Variants in CSMD3 observed in about 807,000 individuals in gnomAD.
The protein encoded by CSMD3 is CUB and Sushi multiple domains 3.
In CSMD3, 177 loss-of-function variants were observed where a neutral mutation model predicts 435.2. The ratio of observed to expected loss-of-function variants is 0.41; its 90% CI spans 0.36 to 0.46. CSMD3 has a LOEUF of 0.46. Ranked by LOEUF, CSMD3 falls within the 20% of genes least tolerant of loss-of-function variation. CSMD3 has a pLI of 0.34. For synonymous variants in CSMD3, 1,656 were observed against 1,520.5 expected (o/e 1.09, Z -2.07); for missense variants, 4,265 against 4,504.6 (o/e 0.95, Z 1.52).
intron 1 of CSMD3, among the ~76,000 whole-genome samples, chr8:113,405,134 G>C (rs2094526976): frequency 1.3e-5 from 2 of 151,420 alleles, no homozygotes; most frequent in African/African-American, 4.8e-5. Context: ...TTTAATCCCA[G>C]TAACTTTGAA....
At chr8:112,440,490 C>T (rs1441858174) in intron 32 of CSMD3, among the ~76,000 whole-genome samples, 1 of 151,972 alleles carries the variant, frequency 6.6e-6, no homozygotes, top group African/African-American at 2.4e-5. Context: ...GCAGGATGGT[C>T]GTCTTCTCAC....
chr8:112,842,026 C>A lies in CSMD3; in HGVS notation c.1756-12237G>T, dbSNP rs547471473. Among the ~76,000 whole-genome samples the A allele has an allele frequency of 3.3e-5, 5 of 151,798 alleles. No individual in the cohort carries two copies. In the East Asian group the frequency reaches 9.7e-4, roughly 30 times the overall value. ...TCTCCTTCACATTGAATAGAGATTCCAGGAGACCAAAAAGCTGTAATACTA... is the reference window on the plus strand; with the variant it reads ...TCTCCTTCACATTGAATAGAGATTCAAGGAGACCAAAAAGCTGTAATACTA... On this transcript the variant is annotated intron_variant, in intron 11 of 70. Transcript: ENST00000297405.
At chr8:112,772,885 A>G (rs1439808893) in intron 13 of CSMD3, among the ~76,000 whole-genome samples, 2 of 151,988 alleles carry the variant, frequency 1.3e-5, no homozygotes, top group East Asian at 1.9e-4. Flanking sequence ...ATTTGTTCAC[A>G]TGTTTACCTG....
intron 5 of CSMD3, among the ~76,000 whole-genome samples, chr8:113,054,726 T>C (rs532480959): frequency 1.3e-5 from 2 of 152,294 alleles, no homozygotes; most frequent in African/African-American, 4.8e-5. Flanking sequence ...TTTAAAGTGA[T>C]ACTCCTGGAA....
intron 6 of CSMD3, among the ~76,000 whole-genome samples, chr8:112,990,671 C>T (rs1270470046): frequency 6.6e-6 from 1 of 151,736 alleles, no homozygotes; most frequent in Non-Finnish European, 1.5e-5. Flanking sequence ...AATTAAAGAC[C>T]ACTTAGTATG....
intron 12 of CSMD3, among the ~76,000 whole-genome samples, chr8:112,826,586 A>G (rs1468847501): frequency 6.6e-6 from 1 of 152,168 alleles, no homozygotes; most frequent in Non-Finnish European, 1.5e-5. Context: ...CCCCTGCCCC[A>G]TGTGGCTCTC....
chr8:113,170,882 T>G (rs2092255807), intron 4 of CSMD3, among the ~76,000 whole-genome samples: 1 of 151,942 alleles, frequency 6.6e-6, no homozygotes, highest in African/African-American at 2.4e-5. Context: ...GTGCCAATTT[T>G]GATAGATTTT....
intron 3 of CSMD3, among the ~76,000 whole-genome samples, chr8:113,210,878 C>CA (rs11287401): frequency 4.0e-3 from 569 of 143,228 alleles, no homozygotes; most frequent in Middle Eastern, 7.1e-3. Flanking sequence ...GACTCATTCT[C>CA]AAAAAAAAAA....
Position 112,516,885 on chromosome 8 carries a change from A to AT in CSMD3, c.4756+148dup, listed in dbSNP as rs1823722496. ...ATGGAAAAATAATAATCATTTTACA[A>AT]TTTTGTACATTCTGCGGAGGTTAAT... is the stretch of plus-strand genomic sequence containing the variant. On this transcript the variant is annotated intron_variant, in intron 28 of 70. Coordinates refer to ENST00000297405, the MANE Select transcript of CSMD3 (RefSeq NM_198123.2). 5.5e-5 allele frequency: 35 copies of AT among 637,578 alleles called. 1 individual carries two copies. In the South Asian group the frequency reaches 7.0e-4, roughly 13 times the overall value. 39.5% of individuals were successfully genotyped at this position (637,578 alleles called of 1,614,324 possible).
chr8:112,867,869 G>T (rs1379751345), intron 10 of CSMD3, among the ~76,000 whole-genome samples: 1 of 151,884 alleles, frequency 6.6e-6, no homozygotes, highest in Non-Finnish European at 1.5e-5. Context: ...ACTATAAATT[G>T]TTTTTTAAAA....
At chr8:113,008,859 T>C (rs2086154029) in intron 6 of CSMD3, among the ~76,000 whole-genome samples, 1 of 151,516 alleles carries the variant, frequency 6.6e-6, no homozygotes, top group African/African-American at 2.4e-5. Flanking sequence ...ATAAGTTTTC[T>C]TCTAGTCTAT....
Position 112,682,402 on chromosome 8 carries a change from T to C in CSMD3, c.2677+40A>G, listed in dbSNP as rs377563369. 9 of 1,431,818 alleles carry C rather than the reference T, an allele frequency of 6.3e-6. No homozygotes were observed. In the African/African-American group the frequency reaches 9.8e-5, roughly 16 times the overall value. 88.7% of individuals were successfully genotyped at this position (1,431,818 alleles called of 1,614,324 possible). ...TCTTGTTGTGGTTTCTTGTACATAA[T>C]GATGATGAGGTTCTATTTCTCACTC... On this transcript the variant is annotated intron_variant, in intron 16 of 70. Transcript: ENST00000297405.
intron 1 of CSMD3, among the ~76,000 whole-genome samples, chr8:113,351,381 A>G (rs749160556): frequency 4.6e-5 from 7 of 152,190 alleles, no homozygotes; most frequent in Non-Finnish European, 7.4e-5. Context: ...AATATGTACA[A>G]TAAAAGCAGG....
At chr8:112,477,476 G>T (rs1586454815) in intron 31 of CSMD3, among the ~76,000 whole-genome samples, 1 of 152,118 alleles carries the variant, frequency 6.6e-6, no homozygotes, top group African/African-American at 2.4e-5. Flanking sequence ...GTAATCTCCA[G>T]TGTTGGTGGT....
chr8:113,094,061 A>T (rs956250346), intron 5 of CSMD3, among the ~76,000 whole-genome samples: 3 of 152,142 alleles, frequency 2.0e-5, no homozygotes, highest in Non-Finnish European at 2.9e-5. Flanking sequence ...TGCAACCTAC[A>T]TCTTACCAAT....
At chr8:112,297,219 A>G (rs963686706) in intron 53 of CSMD3, among the ~76,000 whole-genome samples, 2 of 149,514 alleles carry the variant, frequency 1.3e-5, no homozygotes, top group African/African-American at 4.9e-5. Context: ...TTATTTTATG[A>G]AGTAATCATT....
At chr8:112,778,687 C>A (rs769042257) in intron 13 of CSMD3, among the ~76,000 whole-genome samples, 1 of 151,862 alleles carries the variant, frequency 6.6e-6, no homozygotes, top group Non-Finnish European at 1.5e-5. Context: ...AGTTCATTTG[C>A]GTAAATTTCA....
At chr8:113,405,210 G>C (rs748568048) in intron 1 of CSMD3, among the ~76,000 whole-genome samples, 2 of 151,430 alleles carry the variant, frequency 1.3e-5, no homozygotes, top group Non-Finnish European at 3.0e-5. Flanking sequence ...TAATATTAAG[G>C]CTAAATTATA....
intron 53 of CSMD3, among the ~76,000 whole-genome samples, chr8:112,298,771 C>T (rs936544873): frequency 1.3e-5 from 2 of 152,094 alleles, no homozygotes; most frequent in African/African-American, 2.4e-5. Context: ...TACCTTTATG[C>T]ATCCAACAGA....
Sources: gnomAD v4.1 joint callset for allele counts (sites outside exome capture counted in the v4.1 genomes callset) on GRCh38, gnomAD v4.1.1 for gene constraint, MANE v1.5 for transcripts, NCBI Gene and HGNC (gene_info 2026-07-23, HGNC 2026-07-21) for gene names.